CMIP: variants seen among roughly 807,000 people sequenced by gnomAD.
The protein encoded by CMIP is C-Maf-inducing protein.
CMIP carries 13 observed loss-of-function variants against 97.3 expected under a neutral mutation model. The ratio of observed to expected loss-of-function variants is 0.13; its 90% CI spans 0.09 to 0.21. The LOEUF (loss-of-function observed/expected upper bound fraction) is 0.21. Ranked by LOEUF, CMIP falls within the 10% of genes least tolerant of loss-of-function variation. The pLI is 1.00. For synonymous variants in CMIP, 538 were observed against 436.3 expected (o/e 1.23, Z -2.91); for missense variants, 847 against 1,024.9 (o/e 0.83, Z 2.37).
intron 2 of CMIP, among the ~76,000 whole-genome samples, chr16:81,608,356 C>G (rs1048394732): frequency 6.6e-6 from 1 of 152,134 alleles, no homozygotes; most frequent in Admixed American, 6.5e-5. Context: ...TTGGGCATCT[C>G]TCTCTCCATC....
At chr16:81,510,022 A>G (rs919660332) in intron 1 of CMIP, among the ~76,000 whole-genome samples, 1 of 152,174 alleles carries the variant, frequency 6.6e-6, no homozygotes, top group African/African-American at 2.4e-5. Context: ...TTTTCTGATC[A>G]ATTTCCATCA....
At chr16:81,638,023 T>C (rs2092258394) in intron 3 of CMIP, among the ~76,000 whole-genome samples, 2 of 151,792 alleles carry the variant, frequency 1.3e-5, no homozygotes, top group Admixed American at 6.6e-5. Context: ...CCCCACCTCC[T>C]AACACCCCCC....
chr16:81,683,390 T>A (rs1055904941), intron 10 of CMIP, among the ~76,000 whole-genome samples: 1 of 152,142 alleles, frequency 6.6e-6, no homozygotes, highest in Non-Finnish European at 1.5e-5. Context: ...GAAATGCAGA[T>A]GAATTTGGGG....
At chr16:81,657,874 C>A in intron 5 of CMIP, 58 bp downstream of exon 5, 1 of 1,433,962 alleles carries the variant, frequency 7.0e-7, no homozygotes. Context: ...AGCCTACAAC[C>A]CTTTTCCTGG....
At chr16:81,689,371 C>A (rs1397967101) in intron 10 of CMIP, among the ~76,000 whole-genome samples, 2 of 152,188 alleles carry the variant, frequency 1.3e-5, no homozygotes, top group Admixed American at 6.5e-5. Flanking sequence ...GAGATGGTAT[C>A]TCATTGTGGT....
intron 1 of CMIP, among the ~76,000 whole-genome samples, chr16:81,522,644 A>T (rs971355100): frequency 1.3e-5 from 2 of 152,246 alleles, no homozygotes. Flanking sequence ...ATAAACAAGC[A>T]AACAGGAAGC....
intron 1 of CMIP, among the ~76,000 whole-genome samples, chr16:81,565,379 G>T (rs921948223): frequency 6.6e-6 from 1 of 152,192 alleles, no homozygotes; most frequent in Non-Finnish European, 1.5e-5. Flanking sequence ...AAGCAGGTGG[G>T]CAGGGGCCAG....
At chr16:81,460,478 C>T (rs1906837126) in intron 1 of CMIP, among the ~76,000 whole-genome samples, 1 of 152,104 alleles carries the variant, frequency 6.6e-6, no homozygotes, top group South Asian at 2.1e-4. Flanking sequence ...CTGGTTTGCC[C>T]AGGACTGTCC....
At chr16:81,696,345 C>A in intron 13 of CMIP, 2 of 599,300 alleles carry the variant, frequency 3.3e-6, no homozygotes, top group East Asian at 5.6e-5. Flanking sequence ...CAGCCAGTAG[C>A]CAGAGTCCCC....
chr16:81,465,541 T>G (rs1567529334), intron 1 of CMIP, among the ~76,000 whole-genome samples: 1 of 152,248 alleles, frequency 6.6e-6, no homozygotes, highest in Non-Finnish European at 1.5e-5. Flanking sequence ...GAAGGCTGCC[T>G]CGCACAATGC....
At chr16:81,607,441 A>G in intron 1 of CMIP, 126 bp from the exon 2 acceptor site, 6 of 1,223,000 alleles carry the variant, frequency 4.9e-6, no homozygotes, top group Non-Finnish European at 5.8e-6. Context: ...AGAGGTGCTG[A>G]GCTCCTGCAC....
At chr16:81,493,274 C>A (rs2089433391) in intron 1 of CMIP, among the ~76,000 whole-genome samples, 1 of 152,178 alleles carries the variant, frequency 6.6e-6, no homozygotes, top group South Asian at 2.1e-4. Flanking sequence ...GCAGTGGGAG[C>A]TGGACTGGGG....
intron 13 of CMIP, chr16:81,696,321 T>G: frequency 1.7e-6 from 1 of 584,166 alleles, no homozygotes; most frequent in Non-Finnish European, 3.1e-6. Context: ...CTGCCCTCCC[T>G]CCTGTGCAGC....
chr16:81,497,810 C>T (rs754077449), intron 1 of CMIP, among the ~76,000 whole-genome samples: 139 of 152,268 alleles, frequency 9.1e-4, no homozygotes, highest in Admixed American at 1.8e-3. Flanking sequence ...GCCGCCTCCT[C>T]TGCTGCTGCA....
At chr16:81,491,420 T>C (rs1205340106) in intron 1 of CMIP, among the ~76,000 whole-genome samples, 2 of 152,230 alleles carry the variant, frequency 1.3e-5, no homozygotes, top group African/African-American at 2.4e-5. Context: ...ACAGAGCTTT[T>C]GTGAGGCTCA....
intron 1 of CMIP, among the ~76,000 whole-genome samples, chr16:81,538,767 A>G (rs975483078): frequency 6.6e-6 from 1 of 152,200 alleles, no homozygotes; most frequent in Non-Finnish European, 1.5e-5. Flanking sequence ...ATAGCACGTG[A>G]TATTCCAAAC....
At chr16:81,483,438 C>G (rs1430958348) in intron 1 of CMIP, among the ~76,000 whole-genome samples, 1 of 152,044 alleles carries the variant, frequency 6.6e-6, no homozygotes, top group African/African-American at 2.4e-5. Context: ...TGGTGTAGGG[C>G]CTTGTAAGAA....
rs752922507 is a variant in CMIP, at chr16:81,614,007, A to G, written c.426+6315A>G. On this transcript the variant is annotated intron_variant, in intron 2 of 20. Transcript: ENST00000537098. This position sits in a 1 kb window ranked among gnomAD's most constrained non-coding sequence, Gnocchi z 5.3. ...AGCCCATAGCCTGCAGAAGAAGGAC[A>G]ACTAGACAGGCGATTCCAGGACAGT... is the stretch of plus-strand genomic sequence containing the variant. Among the ~76,000 whole-genome samples the G allele has an allele frequency of 3.9e-5, 6 of 152,192 alleles. No homozygotes were observed. The highest frequency in any genetic ancestry group is 8.8e-5 in the Non-Finnish European group (6 of 68,036).
rs548631380 is a variant in CMIP, at chr16:81,560,408, T to C, written c.301-47159T>C. 2.1e-3 allele frequency among the ~76,000 whole-genome samples: 322 copies of C among 152,166 alleles called. 1 individual carries two copies. The highest frequency in any genetic ancestry group is 7.2e-3 in the African/African-American group (300 of 41,564). ...TCATTTTTTGTATTTTTCATAGAGA[T>C]GGGGTTTCACCGTGTTAGCCAGGAT... On this transcript the variant is annotated intron_variant, in intron 1 of 20. Transcript: ENST00000537098.
Sources: gnomAD v4.1 joint callset for allele counts (sites outside exome capture counted in the v4.1 genomes callset) on GRCh38, gnomAD v4.1.1 for gene constraint, Gnocchi (gnomAD v3.1) non-coding constraint, MANE v1.5 for transcripts, NCBI Gene and HGNC (gene_info 2026-07-23, HGNC 2026-07-21) for gene names.